Variants in C4BPB observed in about 807,000 individuals in gnomAD.
C4BPB encodes C4b-binding protein beta chain.
In C4BPB, 19 loss-of-function variants were observed where a neutral mutation model predicts 26.6. The observed-to-expected ratio is 0.71, with a 90% CI of 0.50 to 1.05. The LOEUF (loss-of-function observed/expected upper bound fraction) is 1.05. Ranked by LOEUF, C4BPB falls within the 50% of genes least tolerant of loss-of-function variation. The pLI is 0.00. For synonymous variants in C4BPB, 118 were observed against 103.5 expected, an observed-to-expected ratio of 1.14 and a Z score of -0.85; for missense variants, 282 against 302.9, an observed-to-expected ratio of 0.93 and a Z score of 0.51.
rs1684243596 is a variant in C4BPB at position 207,096,238 on chromosome 1, T to C, written c.410-284T>C. ...AGCTTCTCTACAACTTAAAATTTCT[T>C]TCCTTGAGCTCCTGCTGTCAGATAA... On this transcript the variant is annotated intron_variant, in intron 4 of 6. Transcript: ENST00000367078. The C allele has an allele frequency of 1.6e-5, 6 of 373,164 alleles. No individual in the cohort carries two copies. In the South Asian group the frequency reaches 1.8e-4, roughly 11 times the overall value. 23.1% of individuals were successfully genotyped at this position (373,164 alleles called of 1,614,324 possible).
chr1:207,091,702 G>A lies in C4BPB; in HGVS notation c.291G>A (p.Val97=). The A allele has an allele frequency of 1.2e-6, 2 of 1,614,042 alleles. No homozygotes were observed. Among genetic ancestry groups the A allele is most frequent in the Non-Finnish European group, 1.7e-6 (2 of 1,179,976 alleles). The change falls in exon 4 of 7, where the codon GTG becomes GTA. Residue 97 remains valine, a synonymous_variant. Transcript: ENST00000367078. ...VNGEFSSSGP[V]NVSDKITFMC... is the part of the protein sequence containing the mutation. The stretch of plus-strand genomic sequence containing the variant: ...GAGAGTTCAGTTCTTCAGGGCCTGT[G>A]AATGTAAGTGACAAAATCACGTTTA...
At chr1:207,093,387 G>A (rs748953395) in intron 4 of C4BPB, among the ~76,000 whole-genome samples, 8 of 152,148 alleles carry the variant, frequency 5.3e-5, no homozygotes, top group Non-Finnish European at 1.0e-4. Context: ...AGGAATACTT[G>A]CCGTATTAGA....
intron 5 of C4BPB, chr1:207,097,703 C>T (rs1015050009): frequency 5.9e-6 from 1 of 169,134 alleles, no homozygotes; most frequent in Admixed American, 5.8e-5. Context: ...CTTCAATGCA[C>T]TTTGCAGGCA....
intron 2 of C4BPB, 91 bp downstream of exon 2, chr1:207,089,680 T>A: frequency 9.5e-7 from 1 of 1,049,500 alleles, no homozygotes; most frequent in Non-Finnish European, 1.5e-6. Context: ...TAAGGAAGTT[T>A]ACATTTATAA....
At chr1:207,099,165 G>C (rs1011559282) in intron 6 of C4BPB, among the ~76,000 whole-genome samples, 1 of 152,156 alleles carries the variant, frequency 6.6e-6, no homozygotes, top group Non-Finnish European at 1.5e-5. Flanking sequence ...TTCTCATCTG[G>C]GAGTGATGGG....
At chr1:207,099,718 C>T (rs1051008688) in intron 6 of C4BPB, 71 bp from the exon 7 acceptor site, 1 of 1,337,910 alleles carries the variant, frequency 7.5e-7, no homozygotes, top group Non-Finnish European at 1.0e-6. Flanking sequence ...AACTGCTGCT[C>T]ACTGGCTTCA....
At chr1:207,089,380 A>C in intron 1 of C4BPB, 102 bp from the exon 2 acceptor site, 1 of 604,178 alleles carries the variant, frequency 1.7e-6, no homozygotes, top group Admixed American at 3.2e-5. Flanking sequence ...TTTTCTTTTC[A>C]TTTTCTCCAG....
At chr1:207,099,374 C>A (rs79653651) in intron 6 of C4BPB, among the ~76,000 whole-genome samples, 1 of 152,156 alleles carries the variant, frequency 6.6e-6, no homozygotes, top group Admixed American at 6.5e-5. Context: ...CTTGCCTGCC[C>A]GCTGCTCACT....
chr1:207,090,238 G>A (rs1558074881), intron 2 of C4BPB, 70 bp from the exon 3 acceptor site: 3 of 1,207,412 alleles, frequency 2.5e-6, no homozygotes, highest in Non-Finnish European at 3.5e-6. Context: ...CATGAGAATG[G>A]GGAAATCTAA....
chr1:207,099,284 C>A (rs985154728), intron 6 of C4BPB, among the ~76,000 whole-genome samples: 2 of 152,172 alleles, frequency 1.3e-5, no homozygotes, highest in Non-Finnish European at 2.9e-5. Flanking sequence ...AATCTAATGC[C>A]ACCTCTGACC....
At chr1:207,092,542 T>G (rs1684070569) in intron 4 of C4BPB, among the ~76,000 whole-genome samples, 1 of 152,108 alleles carries the variant, frequency 6.6e-6, no homozygotes, top group Non-Finnish European at 1.5e-5. Context: ...CCATATTATT[T>G]TAATATTTTT....
chr1:207,099,082 A>G (rs1451350801), intron 6 of C4BPB, among the ~76,000 whole-genome samples: 2 of 151,020 alleles, frequency 1.3e-5, no homozygotes, highest in African/African-American at 4.9e-5. Context: ...GATGGGAGAC[A>G]GTGACAGATC....
chr1:207,096,846 C>T (rs1207358617), intron 5 of C4BPB, among the ~76,000 whole-genome samples: 1 of 152,162 alleles, frequency 6.6e-6, no homozygotes, highest in Non-Finnish European at 1.5e-5. Flanking sequence ...ATCTCTTTTT[C>T]CTCTCCGCCA....
intron 6 of C4BPB, 149 bp downstream of exon 6, chr1:207,098,413 T>C (rs1684343015): frequency 1.7e-6 from 1 of 585,960 alleles, no homozygotes; most frequent in South Asian, 2.2e-5. Flanking sequence ...AAGGGACTCA[T>C]AAACTATTAA....
chr1:207,097,122 T>C (rs1684281748), intron 5 of C4BPB, among the ~76,000 whole-genome samples: 1 of 152,142 alleles, frequency 6.6e-6, no homozygotes, highest in Non-Finnish European at 1.5e-5. Context: ...GCAGTGAGCC[T>C]AGATGGCACC....
rs774748989 is a variant in C4BPB at position 207,090,520 on chromosome 1, T to C, written c.232+39T>C. On this transcript the variant is annotated intron_variant, in intron 3 of 6. Transcript: ENST00000367078. ...TTCTGTATCTTTGCCCATATTGATATCCTGTTTTACTCCTTCACATCCTAC... is the reference window on the plus strand; with the variant it reads ...TTCTGTATCTTTGCCCATATTGATACCCTGTTTTACTCCTTCACATCCTAC... 3.9e-6 allele frequency: 6 copies of C among 1,545,088 alleles called. No homozygotes were observed. The African/African-American group carries it at 6.9e-5, about 18-fold the overall frequency.
intron 5 of C4BPB, among the ~76,000 whole-genome samples, chr1:207,097,028 C>G (rs916791270): frequency 1.3e-5 from 2 of 152,048 alleles, no homozygotes; most frequent in African/African-American, 4.8e-5. Context: ...CAAAAATTAG[C>G]TGGGCGTGGT....
In C4BPB at chr1:207,099,605, A is replaced by G. The variant is rs568994535; in HGVS notation, c.619-184A>G. Among the ~76,000 whole-genome samples the G allele has an allele frequency of 2.0e-5, 3 of 152,340 alleles. No homozygotes were observed. In the South Asian group the frequency reaches 6.2e-4, roughly 32 times the overall value. ...AGTTCATATTTATTACTGGGATAATATTAATAAGTATATTTAAGCCAGAAA... is the reference window on the plus strand; with the variant it reads ...AGTTCATATTTATTACTGGGATAATGTTAATAAGTATATTTAAGCCAGAAA... On this transcript the variant is annotated intron_variant, in intron 6 of 6. Transcript: ENST00000367078.
At chr1:207,092,375 A>T (rs535667312) in intron 4 of C4BPB, among the ~76,000 whole-genome samples, 18 of 152,196 alleles carry the variant, frequency 1.2e-4, no homozygotes, top group Admixed American at 9.8e-4. Flanking sequence ...TATATATATA[A>T]ATATACCTAT....
Sources: allele counts gnomAD v4.1 joint callset (sites outside exome capture counted in the v4.1 genomes callset), GRCh38; gene constraint gnomAD v4.1.1; transcripts MANE v1.5; gene names NCBI Gene and HGNC (gene_info 2026-07-23, HGNC 2026-07-21).